The following PPARGC1A variants were observed in gnomAD, a reference collection of about 807,000 sequenced individuals.
PPARGC1A encodes the protein peroxisome proliferator-activated receptor gamma coactivator 1-alpha.
PPARGC1A carries 25 observed loss-of-function variants against 88.7 expected under a neutral mutation model. The ratio of observed to expected loss-of-function variants is 0.28; its 90% CI spans 0.21 to 0.39. The LOEUF is 0.39. Ranked by LOEUF, PPARGC1A falls within the 10% of genes least tolerant of loss-of-function variation. The pLI is 1.00. For synonymous variants in PPARGC1A, 363 were observed against 355.6 expected (o/e 1.02, Z -0.24); for missense variants, 880 against 968.7 (o/e 0.91, Z 1.22).
the PPARGC1A span, among the ~76,000 whole-genome samples, chr4:23,966,237 G>A: frequency 4.5e-4 from 68 of 152,226 alleles, 3 homozygotes; most frequent in African/African-American, 1.4e-3. Flanking sequence ...CTGTTTCCTC[G>A]GAGAGGTCAT....
intron 10 of PPARGC1A, among the ~76,000 whole-genome samples, chr4:23,802,728 T>A (rs892809933): frequency 3.5e-5 from 4 of 113,784 alleles, no homozygotes; most frequent in African/African-American, 1.3e-4. Context: ...CATTCATAAA[T>A]GTACAATCAT....
At chr4:24,367,247 G>A in the PPARGC1A span, among the ~76,000 whole-genome samples, 1 of 152,150 alleles carries the variant, frequency 6.6e-6, no homozygotes, top group African/African-American at 2.4e-5. Flanking sequence ...CAGAGGAAGA[G>A]GCTAACCCTG....
At chr4:24,227,498 T>C in the PPARGC1A span, among the ~76,000 whole-genome samples, 1 of 151,748 alleles carries the variant, frequency 6.6e-6, no homozygotes, top group Admixed American at 6.6e-5. Context: ...TAAGATGATA[T>C]CAACAGAGAG....
chr4:24,309,104 G>T, the PPARGC1A span, among the ~76,000 whole-genome samples: 1 of 151,784 alleles, frequency 6.6e-6, no homozygotes, highest in African/African-American at 2.4e-5. Context: ...GACAGAAAAG[G>T]ACTGCTTTTC....
At chr4:24,155,304 A>G in the PPARGC1A span, among the ~76,000 whole-genome samples, 1 of 151,916 alleles carries the variant, frequency 6.6e-6, no homozygotes, top group Non-Finnish European at 1.5e-5. Context: ...GGGACATACT[A>G]TGGATCTAAC....
At chr4:23,954,864 C>A in the PPARGC1A span, among the ~76,000 whole-genome samples, 2 of 151,996 alleles carry the variant, frequency 1.3e-5, no homozygotes, top group Non-Finnish European at 2.9e-5. Context: ...GTACTTAACA[C>A]CACAGCCCAA....
At chr4:23,978,410 T>A in the PPARGC1A span, among the ~76,000 whole-genome samples, 37 of 152,322 alleles carry the variant, frequency 2.4e-4, no homozygotes, top group African/African-American at 8.7e-4. Context: ...CAGCATAAAA[T>A]GTCATTCTTT....
the PPARGC1A span, among the ~76,000 whole-genome samples, chr4:24,246,824 C>T: frequency 6.6e-6 from 1 of 152,098 alleles, no homozygotes; most frequent in Admixed American, 6.5e-5. Context: ...TGCTCTAGAG[C>T]CTGCTTTTCT....
chr4:24,312,194 A>T, the PPARGC1A span, among the ~76,000 whole-genome samples: 11 of 152,018 alleles, frequency 7.2e-5, no homozygotes, highest in Non-Finnish European at 1.3e-4. Flanking sequence ...ACTTATGACA[A>T]CTCTGGCTTT....
At chr4:24,465,624 G>A in the PPARGC1A span, among the ~76,000 whole-genome samples, 1 of 152,092 alleles carries the variant, frequency 6.6e-6, no homozygotes, top group East Asian at 1.9e-4. Context: ...TTTCCGCTAG[G>A]GCTACAGGAA....
chr4:24,030,508 C>T, the PPARGC1A span, among the ~76,000 whole-genome samples: 1 of 152,166 alleles, frequency 6.6e-6, no homozygotes, highest in Non-Finnish European at 1.5e-5. Flanking sequence ...AAAATAATAC[C>T]TTTTGAGCTG....
At chr4:24,058,996 A>G in the PPARGC1A span, among the ~76,000 whole-genome samples, 1 of 152,148 alleles carries the variant, frequency 6.6e-6, no homozygotes, top group Admixed American at 6.5e-5. Context: ...AGAAAAAATG[A>G]CTGTGTTTTG....
the PPARGC1A span, among the ~76,000 whole-genome samples, chr4:24,332,403 T>C: frequency 6.6e-6 from 1 of 152,200 alleles, no homozygotes; most frequent in South Asian, 2.1e-4. Context: ...GAAATGAGAA[T>C]ATTAAATCCA....
chr4:23,933,470 T>A, the PPARGC1A span, among the ~76,000 whole-genome samples: 1 of 152,172 alleles, frequency 6.6e-6, no homozygotes, highest in African/African-American at 2.4e-5. Flanking sequence ...ACTCTCAACC[T>A]CACCTCATAC....
chr4:23,974,849 G>T, the PPARGC1A span, among the ~76,000 whole-genome samples: 2 of 109,590 alleles, frequency 1.8e-5, no homozygotes, highest in Admixed American at 1.2e-4. Flanking sequence ...TAGAGAGGGG[G>T]TTTCACAGTG....
At chr4:24,021,654 T>C in the PPARGC1A span, among the ~76,000 whole-genome samples, 3 of 152,206 alleles carry the variant, frequency 2.0e-5, no homozygotes, top group African/African-American at 4.8e-5. Flanking sequence ...TAGGTTATCT[T>C]GGGCAAGTTC....
chr4:23,911,966 T>A, the PPARGC1A span, among the ~76,000 whole-genome samples: 3 of 152,208 alleles, frequency 2.0e-5, no homozygotes, highest in Non-Finnish European at 4.4e-5. Flanking sequence ...TGAAACTGCA[T>A]GTCCCCAAAC....
intron 2 of PPARGC1A, among the ~76,000 whole-genome samples, chr4:23,866,954 T>A (rs1712148786): frequency 6.6e-6 from 1 of 152,210 alleles, no homozygotes; most frequent in Admixed American, 6.5e-5. Flanking sequence ...ACGGGACTTG[T>A]TAGAAGGCAA....
At chr4:23,822,586 T>C (rs191126203) in intron 7 of PPARGC1A, among the ~76,000 whole-genome samples, 14 of 152,244 alleles carry the variant, frequency 9.2e-5, no homozygotes, top group African/African-American at 3.1e-4. Context: ...CTAGGTACAA[T>C]TAGTGTTTGT....
Sources: allele counts gnomAD v4.1 joint callset (sites outside exome capture counted in the v4.1 genomes callset), GRCh38; gene constraint gnomAD v4.1.1; transcripts MANE v1.5; gene names NCBI Gene and HGNC (gene_info 2026-07-23, HGNC 2026-07-21).